Variants in KIF13A observed in about 807,000 individuals in gnomAD.
KIF13A encodes the protein kinesin-like protein KIF13A.
In KIF13A, 79 loss-of-function variants were observed where a neutral mutation model predicts 212.2. That is an observed-to-expected ratio of 0.37 (90% CI 0.31 to 0.45). The LOEUF (loss-of-function observed/expected upper bound fraction) is 0.45. Ranked by LOEUF, KIF13A falls within the 20% of genes least tolerant of loss-of-function variation. The pLI is 1.00. For synonymous variants in KIF13A, 789 were observed against 808.6 expected (o/e 0.98, Z 0.41); for missense variants, 1,901 against 2,209.0 (o/e 0.86, Z 2.79).
At position 17,786,375 on chromosome 6, in the gene KIF13A, G is replaced by T. The variant is rs908704304; in HGVS notation, c.3362-734C>A. Among the ~76,000 whole-genome samples the T allele has an allele frequency of 3.9e-5, 6 of 152,182 alleles. No individual in the cohort carries two copies. The highest frequency in any genetic ancestry group is 1.2e-4 in the African/African-American group (5 of 41,454). ...GCACTTTTGGAGGCCGAGGTGGGCAGATCTCCTGAGGTCAGGAGTTCAAAA... is the reference window on the plus strand; with the variant it reads ...GCACTTTTGGAGGCCGAGGTGGGCATATCTCCTGAGGTCAGGAGTTCAAAA... On this transcript the variant is annotated intron_variant, in intron 27 of 38. Coordinates refer to ENST00000259711, the MANE Select transcript of KIF13A (RefSeq NM_022113.6). This position sits in a 1 kb window ranked among gnomAD's most constrained non-coding sequence, Gnocchi z 5.4.
intron 2 of KIF13A, among the ~76,000 whole-genome samples, chr6:17,944,663 G>A (rs184332243): frequency 1.3e-4 from 20 of 152,114 alleles, no homozygotes; most frequent in African/African-American, 4.6e-4. Flanking sequence ...CAAAAAACAC[G>A]TAGAAATTCC....
chr6:17,841,888 A>T (rs1766540214), intron 9 of KIF13A, among the ~76,000 whole-genome samples: 1 of 151,906 alleles, frequency 6.6e-6, no homozygotes, highest in Admixed American at 6.6e-5. Context: ...ACCTGTTAGA[A>T]AGTTCAACGT....
Position 17,805,526 on chromosome 6 carries a change from T to C in KIF13A, c.2253A>G (p.Lys751=). 1 of 1,613,872 alleles carries C rather than the reference T, an allele frequency of 6.2e-7. No homozygotes were observed. The highest frequency in any genetic ancestry group is 8.5e-7 in the Non-Finnish European group (1 of 1,179,824). Residue 751 remains lysine, a synonymous_variant, in exon 19 of 39, where the codon AAA becomes AAG. Coordinates refer to ENST00000259711, the MANE Select transcript of KIF13A (RefSeq NM_022113.6). ...GGTAAAGGTCTCTCATGTCAATTAATTTATTCTCCAGCTTCTCAATGGTCC... is the reference window on the plus strand; with the variant it reads ...GGTAAAGGTCTCTCATGTCAATTAACTTATTCTCCAGCTTCTCAATGGTCC... ...QVWTIEKLEN[K]LIDMRDLYQE...
intron 2 of KIF13A, among the ~76,000 whole-genome samples, chr6:17,977,030 A>T (rs1375350125): frequency 6.6e-6 from 1 of 151,370 alleles, no homozygotes; most frequent in Non-Finnish European, 1.5e-5. Context: ...TGAACCCGGG[A>T]AGCAGAGCTT....
chr6:17,930,585 T>C (rs1043398011), intron 2 of KIF13A, among the ~76,000 whole-genome samples: 27 of 152,312 alleles, frequency 1.8e-4, no homozygotes, highest in African/African-American at 6.0e-4. Context: ...ACTGCCAAAT[T>C]AGCTGGGCAG....
rs1778816847 is a variant in KIF13A, at chr6:17,961,552, C to G, written c.146+25502G>C. 6.6e-6 allele frequency among the ~76,000 whole-genome samples: 1 copy of G among 152,108 alleles called. No homozygotes were observed. The highest frequency in any genetic ancestry group is 1.5e-5 in the Non-Finnish European group (1 of 68,016). ...GACATTAAACAAAACAGCCCAGTGA[C>G]TGTATTTATAGTAGAGATGTTATTG... On this transcript the variant is annotated intron_variant, in intron 2 of 38. Transcript: ENST00000259711. This position sits in a 1 kb window ranked among gnomAD's most constrained non-coding sequence, Gnocchi z 4.1.
At chr6:17,894,714 T>C (rs1772405404) in intron 3 of KIF13A, among the ~76,000 whole-genome samples, 1 of 152,170 alleles carries the variant, frequency 6.6e-6, no homozygotes, top group Non-Finnish European at 1.5e-5. Flanking sequence ...TTAGGATCCA[T>C]TCTTTGAGCC....
At chr6:17,929,880 A>G (rs890685528) in intron 2 of KIF13A, among the ~76,000 whole-genome samples, 3 of 152,172 alleles carry the variant, frequency 2.0e-5, no homozygotes, top group Non-Finnish European at 4.4e-5. Flanking sequence ...AGCAGGAATG[A>G]GGCACTACAT....
intron 2 of KIF13A, among the ~76,000 whole-genome samples, chr6:17,925,110 T>C (rs1261597570): frequency 1.1e-4 from 16 of 152,168 alleles, no homozygotes; most frequent in Non-Finnish European, 2.1e-4. Flanking sequence ...AGTGTATCCA[T>C]CAGATTATCT....
chr6:17,840,421 G>T (rs1241397398), intron 9 of KIF13A, among the ~76,000 whole-genome samples: 2 of 151,972 alleles, frequency 1.3e-5, no homozygotes, highest in Admixed American at 1.3e-4. Flanking sequence ...TGATATTTTT[G>T]ATTGGAAACA....
chr6:17,936,113 C>T lies in KIF13A; in HGVS notation c.147-37933G>A, dbSNP rs77483191. Among the ~76,000 whole-genome samples the T allele has an allele frequency of 4.8e-3, 735 of 152,236 alleles. 19 individuals carry two copies. The highest frequency in any genetic ancestry group is 0.036 in the East Asian group (188 of 5,184). On this transcript the variant is annotated intron_variant, in intron 2 of 38. Coordinates refer to ENST00000259711, the MANE Select transcript of KIF13A (RefSeq NM_022113.6). Reference sequence around the variant, plus strand: ...TTTGACATTATCAGAACAATTCATCCAGGGAGAGGGCTGAGCCTCTCTTCA... The same window carrying T: ...TTTGACATTATCAGAACAATTCATCTAGGGAGAGGGCTGAGCCTCTCTTCA...
rs1436389599 is a variant in KIF13A, at chr6:17,786,632, A to G, written c.3362-991T>C. Reference sequence around the variant, plus strand: ...AAAATAAAAAAATAAAAAACCCACCATATATCTTACTCTGTAAAATCACCT... The same window carrying G: ...AAAATAAAAAAATAAAAAACCCACCGTATATCTTACTCTGTAAAATCACCT... On this transcript the variant is annotated intron_variant, in intron 27 of 38. Coordinates refer to ENST00000259711, the MANE Select transcript of KIF13A (RefSeq NM_022113.6). This position sits in a 1 kb window ranked among gnomAD's most constrained non-coding sequence, Gnocchi z 5.4. Among the ~76,000 whole-genome samples the G allele has an allele frequency of 6.6e-6, 1 of 152,064 alleles. No homozygotes were observed. Among genetic ancestry groups the G allele is most frequent in the Non-Finnish European group, 1.5e-5 (1 of 67,996 alleles).
chr6:17,968,941 T>C lies in KIF13A; in HGVS notation c.146+18113A>G, dbSNP rs1196837638. The stretch of plus-strand genomic sequence containing the variant: ...GACTCATCTACCTAGGCACAGCTCT[T>C]ATAATAAAAGTCTATATCCATATCT... On this transcript the variant is annotated intron_variant, in intron 2 of 38. Transcript: ENST00000259711. This position sits in a 1 kb window ranked among gnomAD's most constrained non-coding sequence, Gnocchi z 4.7. Among the ~76,000 whole-genome samples the C allele has an allele frequency of 1.3e-5, 2 of 152,200 alleles. No individual in the cohort carries two copies. Among genetic ancestry groups the C allele is most frequent in the East Asian group, 3.9e-4 (2 of 5,190 alleles).
chr6:17,966,728 ATG>A (rs1049907954), intron 2 of KIF13A, among the ~76,000 whole-genome samples: 3 of 152,176 alleles, frequency 2.0e-5, no homozygotes, highest in African/African-American at 7.2e-5. Flanking sequence ...TAACATCATT[ATG>A]TGTCTCACTA....
intron 3 of KIF13A, chr6:17,881,334 T>A (rs1180427650): frequency 3.0e-6 from 1 of 333,658 alleles, no homozygotes; most frequent in African/African-American, 2.2e-5. Context: ...ATATATATAA[T>A]CTGAGGTAAT....
intron 2 of KIF13A, among the ~76,000 whole-genome samples, chr6:17,976,718 G>T (rs1780544639): frequency 6.6e-6 from 1 of 151,764 alleles, no homozygotes; most frequent in Non-Finnish European, 1.5e-5. Context: ...GCGAGCGAGG[G>T]CTCTGAGGAC....
intron 3 of KIF13A, among the ~76,000 whole-genome samples, chr6:17,875,977 T>C (rs983290128): frequency 2.6e-5 from 4 of 152,194 alleles, no homozygotes; most frequent in South Asian, 2.1e-4. Flanking sequence ...TTCCAGAGAC[T>C]TTTCAGAAAT....
intron 4 of KIF13A, among the ~76,000 whole-genome samples, chr6:17,870,186 T>A (rs1244002767): frequency 6.6e-6 from 1 of 152,188 alleles, no homozygotes; most frequent in African/African-American, 2.4e-5. Context: ...AATGGGAATA[T>A]CTGAAGAATA....
chr6:17,870,974 T>C (rs1190830181), intron 4 of KIF13A, among the ~76,000 whole-genome samples: 1 of 152,218 alleles, frequency 6.6e-6, no homozygotes, highest in Non-Finnish European at 1.5e-5. Context: ...AAACAAATTG[T>C]AGCTCAGAGA....
Sources: gnomAD v4.1 joint callset for allele counts (sites outside exome capture counted in the v4.1 genomes callset) on GRCh38, gnomAD v4.1.1 for gene constraint, Gnocchi (gnomAD v3.1) non-coding constraint, MANE v1.5 for transcripts, NCBI Gene and HGNC (gene_info 2026-07-23, HGNC 2026-07-21) for gene names.